The following GPR55 variants were observed in gnomAD, a reference collection of about 807,000 sequenced individuals.
GPR55 encodes G-protein coupled receptor 55.
Under a neutral mutation model 7.9 loss-of-function variants are expected in GPR55, and 6 were observed. The ratio of observed to expected loss-of-function variants is 0.76; its 90% CI spans 0.41 to 1.49. GPR55 has a LOEUF of 1.49. GPR55 is among the 40% of genes most tolerant of loss of function. The pLI is 0.01. For missense variants in GPR55, 376 were observed against 406.0 expected, an observed-to-expected ratio of 0.93 and a Z score of 0.63; for synonymous variants, 183 against 166.8, an observed-to-expected ratio of 1.10 and a Z score of -0.75.
In GPR55 at chr2:230,907,468, G is replaced by C. The variant is rs907673020; in HGVS notation, c.*2535C>G. 4 of 152,186 alleles carry C rather than the reference G, an allele frequency of 2.6e-5. No homozygotes were observed. The highest frequency in any genetic ancestry group is 9.7e-5 in the African/African-American group (4 of 41,440). 9.4% of individuals were successfully genotyped at this position (152,186 alleles called of 1,614,324 possible). On this transcript the variant is annotated 3_prime_UTR_variant, in exon 2 of 2. Transcript: ENST00000650999. Reference sequence around the variant, plus strand: ...TGCAGCTATGTGGGTCCAAACTCTCGGCCCTCCTGCCGAGCAGCCGTAGTG... The same window carrying C: ...TGCAGCTATGTGGGTCCAAACTCTCCGCCCTCCTGCCGAGCAGCCGTAGTG...
intron 1 of GPR55, among the ~76,000 whole-genome samples, chr2:230,938,823 C>T (rs1416483514): frequency 6.6e-6 from 1 of 152,190 alleles, no homozygotes; most frequent in African/African-American, 2.4e-5. Context: ...AGACAAAAAG[C>T]CTCTAAACCT....
chr2:230,930,511 C>A (rs997826778), intron 1 of GPR55, among the ~76,000 whole-genome samples: 1 of 150,846 alleles, frequency 6.6e-6, no homozygotes, highest in Non-Finnish European at 1.5e-5. Context: ...GGTGCAGTGG[C>A]ATGATCTCAG....
At chr2:230,948,477 A>G (rs975540796) in intron 1 of GPR55, among the ~76,000 whole-genome samples, 3 of 152,356 alleles carry the variant, frequency 2.0e-5, no homozygotes, top group African/African-American at 7.2e-5. Context: ...AGAGAAGGAA[A>G]AATTCTCCCA....
chr2:230,958,230 T>C (rs969247550), intron 1 of GPR55, among the ~76,000 whole-genome samples: 1 of 152,216 alleles, frequency 6.6e-6, no homozygotes, highest in Admixed American at 6.5e-5. Context: ...GTCTCATTAT[T>C]TGTAAACCTA....
At chr2:230,920,340 G>T (rs1690805013) in intron 1 of GPR55, among the ~76,000 whole-genome samples, 1 of 152,100 alleles carries the variant, frequency 6.6e-6, no homozygotes, top group South Asian at 2.1e-4. Flanking sequence ...AGCTGATGAG[G>T]CATGACCTTT....
At chr2:230,938,146 CAAAAAAAAAAA>C (rs59307128) in intron 1 of GPR55, among the ~76,000 whole-genome samples, 2 of 19,886 alleles carry the variant, frequency 1.0e-4, no homozygotes, top group Non-Finnish European at 2.7e-4. Flanking sequence ...GACCCTGTCT[CAAAAAAAAAAA>C]AAAAAAAAAA....
At chr2:230,928,320 A>C (rs957623770), upstream of GPR55, among the ~76,000 whole-genome samples, 3 of 152,134 alleles carry the variant, frequency 2.0e-5, no homozygotes, top group African/African-American at 7.2e-5. Context: ...GTCTGAAAGA[A>C]GGATCCAGGG....
intron 1 of GPR55, among the ~76,000 whole-genome samples, chr2:230,952,413 G>T (rs982412164): frequency 3.9e-5 from 6 of 152,254 alleles, no homozygotes; most frequent in Non-Finnish European, 8.8e-5. Context: ...TTGGCTCATT[G>T]TGAGCCCAGA....
intron 1 of GPR55, among the ~76,000 whole-genome samples, chr2:230,955,740 A>G (rs1031080994): frequency 5.9e-5 from 9 of 151,406 alleles, no homozygotes; most frequent in Admixed American, 4.6e-4. Flanking sequence ...GTTTTGTTTG[A>G]GACGGGGTCT....
upstream of GPR55, among the ~76,000 whole-genome samples, chr2:230,928,181 G>T (rs1350694801): frequency 3.3e-5 from 5 of 152,166 alleles, no homozygotes; most frequent in African/African-American, 2.4e-5. Context: ...CCGCCCCGGG[G>T]TCCCAGGGAA....
At chr2:230,928,804 G>C (rs1690985804), upstream of GPR55, among the ~76,000 whole-genome samples, 1 of 152,178 alleles carries the variant, frequency 6.6e-6, no homozygotes, top group African/African-American at 2.4e-5. Context: ...AACTCAGGAA[G>C]AAGAGGCAAA....
chr2:230,943,803 AC>A (rs959579039), intron 1 of GPR55, among the ~76,000 whole-genome samples: 2 of 151,522 alleles, frequency 1.3e-5, no homozygotes, highest in Non-Finnish European at 2.9e-5. Context: ...CTCTGCTCCC[AC>A]TCTGGCCATG....
intron 1 of GPR55, among the ~76,000 whole-genome samples, chr2:230,934,780 A>G (rs1293221626): frequency 6.6e-6 from 1 of 152,100 alleles, no homozygotes; most frequent in Non-Finnish European, 1.5e-5. Flanking sequence ...TTAAACCCAG[A>G]TAGTCCCTAA....
intron 1 of GPR55, among the ~76,000 whole-genome samples, chr2:230,949,657 A>C (rs1691369984): frequency 6.6e-6 from 1 of 152,206 alleles, no homozygotes; most frequent in Admixed American, 6.5e-5. Flanking sequence ...AAATGTTGTT[A>C]GTATTTCCTT....
intron 1 of GPR55, among the ~76,000 whole-genome samples, chr2:230,921,370 TAGA>T (rs1690832746): frequency 6.6e-6 from 1 of 152,146 alleles, no homozygotes; most frequent in Admixed American, 6.5e-5. Flanking sequence ...ATGCTCTCTT[TAGA>T]AGAATAGAAG....
intron 1 of GPR55, among the ~76,000 whole-genome samples, chr2:230,941,521 G>A (rs1481303827): frequency 2.0e-5 from 3 of 152,234 alleles, no homozygotes; most frequent in South Asian, 2.1e-4. Flanking sequence ...TCCCACACTC[G>A]GTCTCCTGGC....
intron 1 of GPR55, among the ~76,000 whole-genome samples, chr2:230,936,320 G>A (rs1460097354): frequency 1.3e-5 from 2 of 152,134 alleles, no homozygotes; most frequent in African/African-American, 2.4e-5. Flanking sequence ...GATCGTAGGA[G>A]GAACCTGGTA....
chr2:230,933,428 A>G (rs991181299), intron 1 of GPR55, among the ~76,000 whole-genome samples: 2 of 152,060 alleles, frequency 1.3e-5, no homozygotes, highest in African/African-American at 4.8e-5. Context: ...TACTGAACAC[A>G]CGGGGCAGCC....
chr2:230,926,126 A>T (rs911213349), upstream of GPR55, among the ~76,000 whole-genome samples: 3 of 152,232 alleles, frequency 2.0e-5, no homozygotes, highest in Admixed American at 6.5e-5. Flanking sequence ...TGTCTACAGG[A>T]ATAGAAACTA....
Sources: allele counts gnomAD v4.1 joint callset (sites outside exome capture counted in the v4.1 genomes callset), GRCh38; gene constraint gnomAD v4.1.1; transcripts MANE v1.5; gene names NCBI Gene and HGNC (gene_info 2026-07-23, HGNC 2026-07-21).